ROBO1: variants seen among roughly 807,000 people sequenced by gnomAD.
ROBO1 encodes the protein roundabout guidance receptor 1.
ROBO1 carries 149 observed loss-of-function variants against 195.9 expected under a neutral mutation model. That is an observed-to-expected ratio of 0.76 (90% CI 0.67 to 0.87). ROBO1 has a LOEUF of 0.87. Among genes scored for constraint, ROBO1 ranks in the 40% least tolerant of loss-of-function variants. The probability of loss-of-function intolerance (pLI) is 0.00; values close to 1 mark genes in which losing one functional copy is unlikely to be tolerated. For synonymous variants in ROBO1, 816 were observed against 733.2 expected (o/e 1.11, Z -1.82); for missense variants, 1,933 against 2,068.3 (o/e 0.93, Z 1.27).
chr3:79,107,765 TATTA>T (rs958559360), intron 3 of ROBO1, among the ~76,000 whole-genome samples: 3 of 151,750 alleles, frequency 2.0e-5, no homozygotes, highest in Admixed American at 6.6e-5. Flanking sequence ...AAATGAAGCT[TATTA>T]ATTGACATAT....
At chr3:78,822,464 A>G (rs1246660716) in intron 4 of ROBO1, among the ~76,000 whole-genome samples, 1 of 152,196 alleles carries the variant, frequency 6.6e-6, no homozygotes, top group Non-Finnish European at 1.5e-5. Context: ...TATTGAAGAT[A>G]CAAAGACACA....
At chr3:79,728,244 A>T (rs1703004537) in intron 1 of ROBO1, among the ~76,000 whole-genome samples, 1 of 152,130 alleles carries the variant, frequency 6.6e-6, no homozygotes, top group South Asian at 2.1e-4. Flanking sequence ...ATAAATGAGC[A>T]GAAATTCCTT....
intron 1 of ROBO1, among the ~76,000 whole-genome samples, chr3:79,687,687 G>A (rs577680391): frequency 4.6e-5 from 7 of 151,978 alleles, no homozygotes; most frequent in African/African-American, 1.4e-4. Flanking sequence ...CTCACACCAG[G>A]TAGAATGGTG....
chr3:78,681,801 C>G (rs1271411424), intron 10 of ROBO1, among the ~76,000 whole-genome samples: 1 of 152,096 alleles, frequency 6.6e-6, no homozygotes, highest in African/African-American at 2.4e-5. Context: ...ACTCGAGAGG[C>G]TGAGGCAGGA....
intron 2 of ROBO1, among the ~76,000 whole-genome samples, chr3:79,392,326 G>T (rs577122538): frequency 2.0e-5 from 3 of 152,166 alleles, no homozygotes; most frequent in Non-Finnish European, 2.9e-5. Context: ...ATTAAAGCTT[G>T]CAGAACAAGC....
intron 4 of ROBO1, among the ~76,000 whole-genome samples, chr3:78,768,370 A>G (rs2083281527): frequency 6.6e-6 from 1 of 151,942 alleles, no homozygotes; most frequent in African/African-American, 2.4e-5. Flanking sequence ...ATGTACTTAC[A>G]ATAAGAAAAT....
chr3:78,842,230 T>C lies in ROBO1; in HGVS notation c.500-95330A>G, dbSNP rs1457159002. The stretch of plus-strand genomic sequence containing the variant: ...TATTTATATATATGAGCCATATATA[T>C]ATTTATATATATGAGCCATATATAT... On this transcript the variant is annotated intron_variant, in intron 4 of 30. Coordinates refer to ENST00000464233, the MANE Select transcript of ROBO1 (RefSeq NM_002941.4). Among the ~76,000 whole-genome samples, 6 of 134,810 alleles carry C rather than the reference T, an allele frequency of 4.5e-5. 2 individuals carry two copies. The highest frequency in any genetic ancestry group is 6.3e-5 in the Non-Finnish European group (4 of 63,978). 88.4% of individuals were successfully genotyped at this position (134,810 alleles called of 152,430 possible).
At chr3:79,440,327 A>T (rs2039011833) in intron 2 of ROBO1, among the ~76,000 whole-genome samples, 1 of 151,972 alleles carries the variant, frequency 6.6e-6, no homozygotes. Flanking sequence ...TCCAACACTC[A>T]CTGCCACTTA....
intron 3 of ROBO1, among the ~76,000 whole-genome samples, chr3:79,046,723 TAGATGGTGCCTACCC>T (rs1468162010): frequency 6.6e-5 from 10 of 152,046 alleles, no homozygotes; most frequent in Admixed American, 1.3e-4. Flanking sequence ...GGCAGCTGAT[TAGATGGTGCCTACCC>T]AGATTATGGG....
rs562996016 is a variant in ROBO1, at chr3:79,441,374, G to C, written c.88+148450C>G. On this transcript the variant is annotated intron_variant, in intron 2 of 30. Transcript: ENST00000464233. Reference sequence around the variant, plus strand: ...TTATTCTGATGTATTACATATGCTTGTCTGTGTCTGTGTGATTTCAAACTA... The same window carrying C: ...TTATTCTGATGTATTACATATGCTTCTCTGTGTCTGTGTGATTTCAAACTA... 5.3e-5 allele frequency among the ~76,000 whole-genome samples: 8 copies of C among 152,172 alleles called. No homozygotes were observed. The East Asian group carries it at 7.7e-4, about 15-fold the overall frequency.
chr3:79,762,660 G>A (rs1246794904), intron 1 of ROBO1, among the ~76,000 whole-genome samples: 1 of 147,906 alleles, frequency 6.8e-6, no homozygotes, highest in African/African-American at 2.5e-5. Flanking sequence ...AACATCCTGA[G>A]TGTTTAAGAA....
chr3:79,523,489 T>G (rs1329839254), intron 2 of ROBO1, among the ~76,000 whole-genome samples: 1 of 117,368 alleles, frequency 8.5e-6, no homozygotes, highest in Non-Finnish European at 1.8e-5. Flanking sequence ...TTTTTTTTTT[T>G]GAGAAGGAGT....
At chr3:79,429,909 T>A (rs1427606923) in intron 2 of ROBO1, among the ~76,000 whole-genome samples, 1 of 151,958 alleles carries the variant, frequency 6.6e-6, no homozygotes, top group Non-Finnish European at 1.5e-5. Flanking sequence ...TATGTCTGAT[T>A]ATTATTATTA....
intron 2 of ROBO1, among the ~76,000 whole-genome samples, chr3:79,193,139 TATAGCAAGAAGTGG>T (rs1363626726): frequency 6.6e-6 from 1 of 151,624 alleles, no homozygotes; most frequent in African/African-American, 2.4e-5. Flanking sequence ...GCTGAATGGA[TATAGCAAGAAGTGG>T]AGACATGTTA....
At chr3:79,346,127 C>A (rs1277581761) in intron 2 of ROBO1, among the ~76,000 whole-genome samples, 1 of 152,102 alleles carries the variant, frequency 6.6e-6, no homozygotes, top group African/African-American at 2.4e-5. Flanking sequence ...AATTTACTTT[C>A]TTGACTTTGA....
At chr3:79,670,018 C>A (rs1946587856) in intron 1 of ROBO1, among the ~76,000 whole-genome samples, 1 of 151,712 alleles carries the variant, frequency 6.6e-6, no homozygotes, top group Non-Finnish European at 1.5e-5. Context: ...CTTTACATTC[C>A]AGGAGATATT....
At chr3:79,118,484 C>T (rs1467400031) in intron 3 of ROBO1, among the ~76,000 whole-genome samples, 5 of 151,992 alleles carry the variant, frequency 3.3e-5, no homozygotes, top group Admixed American at 1.3e-4. Flanking sequence ...GTTGGCATAC[C>T]TAATGAACAC....
chr3:78,781,452 T>C (rs186083040), intron 4 of ROBO1, among the ~76,000 whole-genome samples: 10 of 152,248 alleles, frequency 6.6e-5, no homozygotes. Context: ...AGTTTGACAG[T>C]TTCCCATGTG....
At chr3:78,885,490 T>C (rs1275841588) in intron 4 of ROBO1, among the ~76,000 whole-genome samples, 2 of 145,522 alleles carry the variant, frequency 1.4e-5, no homozygotes, top group Admixed American at 6.9e-5. Context: ...TTCCCCAAAT[T>C]CCATTTGCCA....
Sources: allele counts gnomAD v4.1 joint callset (sites outside exome capture counted in the v4.1 genomes callset), GRCh38; gene constraint gnomAD v4.1.1; transcripts MANE v1.5; gene names NCBI Gene and HGNC (gene_info 2026-07-23, HGNC 2026-07-21).